The following EPRS1 variants were observed in gnomAD, a reference collection of about 807,000 sequenced individuals.
EPRS1 encodes glutamyl-prolyl-tRNA synthetase 1.
Under a neutral mutation model 188.3 loss-of-function variants are expected in EPRS1, and 107 were observed. The ratio of observed to expected loss-of-function variants is 0.57; its 90% CI spans 0.49 to 0.67. The LOEUF is 0.67. Ranked by LOEUF, EPRS1 falls within the 30% of genes least tolerant of loss-of-function variation. EPRS1 has a pLI of 0.00. For synonymous variants in EPRS1, 596 were observed against 593.1 expected, an observed-to-expected ratio of 1.00 and a Z score of -0.07; for missense variants, 1,577 against 1,802.2, an observed-to-expected ratio of 0.88 and a Z score of 2.26.
chr1:220,044,643 T>C (rs1662363113), intron 1 of EPRS1, among the ~76,000 whole-genome samples: 1 of 136,772 alleles, frequency 7.3e-6, no homozygotes, highest in Admixed American at 8.0e-5. Flanking sequence ...AAGAATTGCT[T>C]GATCCTGGGA....
intron 5 of EPRS1, among the ~76,000 whole-genome samples, chr1:220,030,842 A>T (rs1240051838): frequency 1.3e-5 from 2 of 152,210 alleles, no homozygotes; most frequent in African/African-American, 4.8e-5. Flanking sequence ...CTGTAATCCC[A>T]GCACTTTGGG....
chr1:219,977,661 T>C (rs1660806024), intron 28 of EPRS1, among the ~76,000 whole-genome samples: 1 of 152,040 alleles, frequency 6.6e-6, no homozygotes, highest in African/African-American at 2.4e-5. Context: ...TAGAAAAGCA[T>C]ATAAAGAAGC....
In EPRS1 at chr1:220,039,155, T is replaced by C. The variant is rs556330002; in HGVS notation, c.131+1030A>G. 2.6e-5 allele frequency among the ~76,000 whole-genome samples: 4 copies of C among 152,304 alleles called. No homozygotes were observed. The East Asian group carries it at 7.7e-4, about 29-fold the overall frequency. ...TGTCAAAGCGCCAGTCTTTGGGGTA[T>C]TGCTTTCTGAAGCAACATTCCCCTG... On this transcript the variant is annotated intron_variant, in intron 2 of 31. Coordinates refer to ENST00000366923, the MANE Select transcript of EPRS1 (RefSeq NM_004446.3).
chr1:220,025,425 C>T (rs1337256407), intron 6 of EPRS1, among the ~76,000 whole-genome samples, 167 bp from the exon 7 acceptor site: 1 of 38,798 alleles, frequency 2.6e-5, no homozygotes, highest in African/African-American at 2.8e-4. Context: ...CTGACCCTGA[C>T]AGGAAAAAAA....
At position 220,020,159 on chromosome 1, in the gene EPRS1, G is replaced by A; in HGVS notation, c.1178C>T (p.Ala393Val). The change falls in exon 10 of 32, where the codon GCC becomes GTC. Residue 393 changes from alanine (A) to valine (V), a missense_variant. By Grantham distance (64) the Ala-to-Val change is moderately conservative (BLOSUM62 0). Transcript: ENST00000366923. The stretch of plus-strand genomic sequence containing the variant: ...GTCATGGTATTCTGTTGTTCTCAGG[G>A]CATGTGTAACACCTTCGATGCTGTC... ...IVDSIEGVTH[A>V]LRTTEYHDRD... The A allele has an allele frequency of 1.2e-6, 2 of 1,614,014 alleles. No individual in the cohort carries two copies. The highest frequency in any genetic ancestry group is 1.7e-6 in the Non-Finnish European group (2 of 1,179,980).
chr1:220,020,810 G>C (rs1042508798), intron 9 of EPRS1, among the ~76,000 whole-genome samples: 1 of 126,454 alleles, frequency 7.9e-6, no homozygotes, highest in Non-Finnish European at 1.6e-5. Context: ...TTTACATGCA[G>C]TATCAATTTG....
chr1:220,035,103 TTATTA>T (rs1244971909), intron 2 of EPRS1, 90 bp from the exon 3 acceptor site: 3 of 652,642 alleles, frequency 4.6e-6, no homozygotes, highest in African/African-American at 3.8e-5. Flanking sequence ...AATGGAAACT[TTATTA>T]TATTTACCAT....
rs1346103405 is a variant in EPRS1, at chr1:219,968,928, A to G, written c.4417T>C (p.Ser1473Pro). The stretch of plus-strand genomic sequence containing the variant: ...ATGCAAAGGCTTTTAGCTCCCATGG[A>G]TGGAGCACCAGGTTCAAGATCTTGA... ...RDQDLEPGAPSMGAKSLCIPF... is the reference protein window; with the variant it reads ...RDQDLEPGAPPMGAKSLCIPF... The change falls in exon 32 of 32, where the codon TCC becomes CCC. Residue 1473 changes from serine to proline, a missense_variant. Physicochemically the swap from Ser to Pro is moderately conservative, Grantham distance 74 (BLOSUM62 -1). This residue lies in a region of EPRS1 where 296 missense variants were observed against 327.9 expected (regional missense o/e 0.90). Coordinates refer to ENST00000366923, the MANE Select transcript of EPRS1 (RefSeq NM_004446.3). The G allele has an allele frequency of 6.2e-7, 1 of 1,613,924 alleles. No individual in the cohort carries two copies. The highest frequency in any genetic ancestry group is 8.5e-7 in the Non-Finnish European group (1 of 1,179,784).
chr1:220,019,174 T>C, intron 10 of EPRS1, 95 bp from the exon 11 acceptor site: 1 of 814,322 alleles, frequency 1.2e-6, no homozygotes, highest in Non-Finnish European at 2.1e-6. Flanking sequence ...CATATTCAGC[T>C]TGTTAAACAT....
chr1:220,005,636 T>C (rs529155231), intron 15 of EPRS1, among the ~76,000 whole-genome samples: 4 of 152,132 alleles, frequency 2.6e-5, no homozygotes, highest in African/African-American at 7.2e-5. Context: ...GCTATAAATA[T>C]GAAATATGAT....
intron 20 of EPRS1, 125 bp from the exon 21 acceptor site, chr1:219,984,382 T>A (rs1660962161): frequency 1.4e-6 from 1 of 704,824 alleles, no homozygotes. Context: ...TCTGTATTTG[T>A]AACTCTTCTA....
At chr1:220,016,108 G>A (rs1042401914) in intron 12 of EPRS1, among the ~76,000 whole-genome samples, 6 of 152,170 alleles carry the variant, frequency 3.9e-5, no homozygotes, top group African/African-American at 9.7e-5. Flanking sequence ...AACTCCGGGA[G>A]GCTGAGGTGG....
chr1:220,007,270 C>T lies in EPRS1; in HGVS notation c.1674G>A (p.Glu558=). The T allele has an allele frequency of 6.2e-7, 1 of 1,613,930 alleles. No homozygotes were observed. The highest frequency in any genetic ancestry group is 8.5e-7 in the Non-Finnish European group (1 of 1,179,858). ...TAACCATCTCACCCTCCGAAAAAGT[C>T]TCTGCATCAGCACCTTCAATGAAAA... is the stretch of plus-strand genomic sequence containing the variant. The part of the protein sequence containing the change: ...PKVFIEGADA[E]TFSEGEMVTF... Residue 558 remains glutamate, a synonymous_variant, in exon 14 of 32, where the codon GAG becomes GAA. Transcript: ENST00000366923.
At chr1:219,999,705 G>A (rs1661306483) in intron 17 of EPRS1, among the ~76,000 whole-genome samples, 2 of 152,194 alleles carry the variant, frequency 1.3e-5, no homozygotes, top group South Asian at 4.1e-4. Context: ...CAGGTGCAGT[G>A]GATCATGCCT....
chr1:220,027,832 AAATT>A (rs918440821), intron 6 of EPRS1, among the ~76,000 whole-genome samples: 50 of 151,844 alleles, frequency 3.3e-4, no homozygotes, highest in Non-Finnish European at 4.7e-4. Flanking sequence ...AAAATACAAA[AAATT>A]AATTAATTAA....
intron 13 of EPRS1, among the ~76,000 whole-genome samples, chr1:220,008,402 TAA>T (rs572428410): frequency 1.4e-5 from 2 of 145,798 alleles, no homozygotes; most frequent in Admixed American, 6.8e-5. Context: ...TTGGCAGAAT[TAA>T]AAAAAAAAAG....
chr1:220,012,433 A>C (rs1661622437), intron 12 of EPRS1, among the ~76,000 whole-genome samples: 1 of 152,208 alleles, frequency 6.6e-6, no homozygotes, highest in Non-Finnish European at 1.5e-5. Context: ...TGCCAAAAGG[A>C]GCAGGATGTT....
At chr1:220,046,307 T>G in intron 1 of EPRS1, 36 bp downstream of exon 1, 1 of 1,613,658 alleles carries the variant, frequency 6.2e-7, no homozygotes. Flanking sequence ...CCCTGGCTGA[T>G]GCAACCCACA....
intron 5 of EPRS1, among the ~76,000 whole-genome samples, chr1:220,031,389 T>C (rs1337346138): frequency 6.6e-6 from 1 of 152,190 alleles, no homozygotes; most frequent in Non-Finnish European, 1.5e-5. Context: ...AGTTTAGTTA[T>C]GAGATTATGG....
Sources: allele counts gnomAD v4.1 joint callset (sites outside exome capture counted in the v4.1 genomes callset), GRCh38; gene constraint gnomAD v4.1.1; regional missense constraint gnomAD v4.1.1; transcripts MANE v1.5; gene names NCBI Gene and HGNC (gene_info 2026-07-23, HGNC 2026-07-21).